Variants in SND1 observed in about 807,000 individuals in gnomAD.
SND1 encodes staphylococcal nuclease domain-containing protein 1.
SND1 carries 38 observed loss-of-function variants against 121.7 expected under a neutral mutation model. That is an observed-to-expected ratio of 0.31 (90% CI 0.24 to 0.41). SND1 has a LOEUF of 0.41. Ranked by LOEUF, SND1 falls within the 10% of genes least tolerant of loss-of-function variation. The probability of loss-of-function intolerance (pLI) is 1.00; values close to 1 mark genes in which losing one functional copy is unlikely to be tolerated. For missense variants in SND1, 868 were observed against 1,184.6 expected, an observed-to-expected ratio of 0.73 and a Z score of 3.92; for synonymous variants, 401 against 447.4, an observed-to-expected ratio of 0.90 and a Z score of 1.31.
At chr7:127,970,846 A>G (rs1801968053) in intron 15 of SND1, among the ~76,000 whole-genome samples, 1 of 152,172 alleles carries the variant, frequency 6.6e-6, no homozygotes. Flanking sequence ...ATGGTGGCTC[A>G]TGCCTATAAT....
chr7:127,866,500 G>T (rs985161861), intron 12 of SND1, among the ~76,000 whole-genome samples: 3 of 152,150 alleles, frequency 2.0e-5, no homozygotes, highest in Non-Finnish European at 4.4e-5. Context: ...TCATTAGGAA[G>T]GTAGTGATTT....
Position 128,089,660 on chromosome 7 carries a change from G to A in SND1, c.2590G>A (p.Glu864Lys). 1 of 1,614,170 alleles carries A rather than the reference G, an allele frequency of 6.2e-7. No individual in the cohort carries two copies. The highest frequency in any genetic ancestry group is 8.5e-7 in the Non-Finnish European group (1 of 1,180,034). The part of the protein sequence containing the change: ...GLVKEGLVMV[E>K]VRKEKQFQKV... ...GGTGAAGGAAGGGCTGGTCATGGTGGAGGTGCGCAAGGAGAAACAGTTCCA... is the reference window on the plus strand; with the variant it reads ...GGTGAAGGAAGGGCTGGTCATGGTGAAGGTGCGCAAGGAGAAACAGTTCCA... Residue 864 changes from glutamate (E) to lysine (K), a missense_variant, in exon 22 of 24, where the codon GAG (glutamate) becomes AAG (lysine). By Grantham distance (56) the Glu-to-Lys change is moderately conservative. This residue lies in a region of SND1 where 743 missense variants were observed against 1,071.3 expected (regional missense o/e 0.69). Coordinates refer to ENST00000354725, the MANE Select transcript of SND1 (RefSeq NM_014390.4).
At chr7:127,787,650 T>A (rs1359319922) in intron 10 of SND1, among the ~76,000 whole-genome samples, 1 of 152,240 alleles carries the variant, frequency 6.6e-6, no homozygotes, top group African/African-American at 2.4e-5. Flanking sequence ...TCTTTGTTCC[T>A]TTTCCTTCTC....
At chr7:127,717,094 T>G (rs1796404647) in intron 9 of SND1, among the ~76,000 whole-genome samples, 1 of 152,188 alleles carries the variant, frequency 6.6e-6, no homozygotes, top group African/African-American at 2.4e-5. Flanking sequence ...ACTCTTTAGA[T>G]TTACAGAAAA....
At chr7:127,930,756 C>T (rs1185977104) in intron 15 of SND1, among the ~76,000 whole-genome samples, 2 of 152,130 alleles carry the variant, frequency 1.3e-5, no homozygotes, top group Non-Finnish European at 2.9e-5. Context: ...TTTCTATACC[C>T]ATGAAGTTTC....
At chr7:127,718,199 T>C (rs1796423634) in intron 9 of SND1, among the ~76,000 whole-genome samples, 1 of 152,100 alleles carries the variant, frequency 6.6e-6, no homozygotes, top group Admixed American at 6.5e-5. Flanking sequence ...TTGGCTTGAT[T>C]AGAGATCTGT....
intron 15 of SND1, among the ~76,000 whole-genome samples, chr7:127,976,077 G>A (rs2116893581): frequency 6.6e-6 from 1 of 152,178 alleles, no homozygotes; most frequent in South Asian, 2.1e-4. Context: ...ATTTCCTTGG[G>A]TGAGTGAGCA....
At chr7:127,805,728 A>G (rs1798224560) in intron 10 of SND1, among the ~76,000 whole-genome samples, 1 of 152,200 alleles carries the variant, frequency 6.6e-6, no homozygotes, top group Non-Finnish European at 1.5e-5. Context: ...CTATTTAGGA[A>G]AAAATGTAAT....
At chr7:127,887,309 T>C (rs552923154) in intron 12 of SND1, among the ~76,000 whole-genome samples, 1 of 152,070 alleles carries the variant, frequency 6.6e-6, no homozygotes, top group Non-Finnish European at 1.5e-5. Flanking sequence ...TCCTTTCTAC[T>C]AGAATGCCTC....
Position 127,919,128 on chromosome 7 carries a change from G to A in SND1, c.1528-10060G>A, listed in dbSNP as rs1317217294. Among the ~76,000 whole-genome samples the A allele has an allele frequency of 2.0e-5, 3 of 152,154 alleles. No homozygotes were observed. In the East Asian group the frequency reaches 5.8e-4, roughly 29 times the overall value. ...CTTAAGGTTTATTGAACCTATACTG[G>A]TATGTCTGCAGGCAAAAATGAATGT... On this transcript the variant is annotated intron_variant, in intron 14 of 23. Transcript: ENST00000354725.
At chr7:127,867,415 T>C (rs918173194) in intron 12 of SND1, among the ~76,000 whole-genome samples, 1 of 152,206 alleles carries the variant, frequency 6.6e-6, no homozygotes, top group Admixed American at 6.5e-5. Context: ...TTCTTACCAC[T>C]ATTCAGTCTC....
chr7:128,078,559 C>A (rs1240385307), intron 17 of SND1, among the ~76,000 whole-genome samples: 2 of 152,118 alleles, frequency 1.3e-5, no homozygotes, highest in African/African-American at 4.8e-5. Flanking sequence ...GGGCTGAGGG[C>A]CATCCCCAAG....
intron 15 of SND1, among the ~76,000 whole-genome samples, chr7:127,957,443 C>T (rs1801620746): frequency 6.6e-6 from 1 of 152,132 alleles, no homozygotes; most frequent in Non-Finnish European, 1.5e-5. Flanking sequence ...TCCACAACTG[C>T]CATCCTATTG....
intron 1 of SND1, among the ~76,000 whole-genome samples, chr7:127,665,080 C>A (rs1795389271): frequency 1.3e-5 from 2 of 152,120 alleles, no homozygotes; most frequent in African/African-American, 4.8e-5. Flanking sequence ...TCATCCTAAT[C>A]CTGGTATTGG....
intron 16 of SND1, chr7:128,030,965 G>A (rs1272684022): frequency 4.6e-6 from 1 of 215,952 alleles, no homozygotes; most frequent in Non-Finnish European, 9.1e-6. Flanking sequence ...CTTTCTCCAC[G>A]GGAGCTGGGC....
At chr7:128,019,882 C>G (rs986840666) in intron 16 of SND1, among the ~76,000 whole-genome samples, 3 of 152,330 alleles carry the variant, frequency 2.0e-5, no homozygotes, top group African/African-American at 7.2e-5. Context: ...CCTGGGCTGC[C>G]AGAGCTTTCC....
intron 1 of SND1, among the ~76,000 whole-genome samples, chr7:127,682,748 T>C: frequency 6.6e-6 from 1 of 152,240 alleles, no homozygotes; most frequent in African/African-American, 2.4e-5. Flanking sequence ...TGTCTCCCCC[T>C]ACTAGAATGT....
intron 10 of SND1, among the ~76,000 whole-genome samples, chr7:127,724,936 A>T (rs151337819): frequency 6.6e-6 from 1 of 152,132 alleles, no homozygotes; most frequent in Admixed American, 6.5e-5. Flanking sequence ...CCTTCTTTAT[A>T]CTTGCCTTTT....
intron 15 of SND1, among the ~76,000 whole-genome samples, chr7:127,951,253 G>A (rs1801456029): frequency 6.6e-6 from 1 of 152,188 alleles, no homozygotes; most frequent in Non-Finnish European, 1.5e-5. Context: ...GAAAAAAAAG[G>A]AGATCCTGCC....
Sources: gnomAD v4.1 joint callset for allele counts (sites outside exome capture counted in the v4.1 genomes callset) on GRCh38, gnomAD v4.1.1 for gene constraint, gnomAD v4.1.1 regional missense constraint, MANE v1.5 for transcripts, NCBI Gene and HGNC (gene_info 2026-07-23, HGNC 2026-07-21) for gene names.